PTK2: variants seen among roughly 807,000 people sequenced by gnomAD.
PTK2 encodes the protein focal adhesion kinase 1.
Under a neutral mutation model 150.1 loss-of-function variants are expected in PTK2, and 45 were observed. The ratio of observed to expected loss-of-function variants is 0.30; its 90% CI spans 0.24 to 0.38. The LOEUF (loss-of-function observed/expected upper bound fraction) is 0.38. Ranked by LOEUF, PTK2 falls within the 10% of genes least tolerant of loss-of-function variation. PTK2 has a pLI of 1.00. For missense variants in PTK2, 919 were observed against 1,307.3 expected, an observed-to-expected ratio of 0.70 and a Z score of 4.58; for synonymous variants, 432 against 449.2, an observed-to-expected ratio of 0.96 and a Z score of 0.48.
chr8:140,973,813 G>C (rs11167013), intron 1 of PTK2, among the ~76,000 whole-genome samples: 35,615 of 152,098 alleles, frequency 0.23, 4,737 homozygotes, highest in Admixed American at 0.36. Context: ...ATTACAATTA[G>C]CCCCAGCGTG....
chr8:140,833,461 G>C (rs1487911309), intron 7 of PTK2, among the ~76,000 whole-genome samples: 3 of 152,196 alleles, frequency 2.0e-5, no homozygotes, highest in Non-Finnish European at 2.9e-5. Context: ...AAAGTTTTTA[G>C]GGAAAGCCTA....
rs114224444 is a variant in PTK2, at chr8:140,673,584, T to C, written c.2709+714A>G. On this transcript the variant is annotated intron_variant, in intron 29 of 31. Transcript: ENST00000522684. ...TTAAGTGGAAAGTAAAAAGATCCCA[T>C]CTCCTTACAGGACACAGGCTAGAAA... Among the ~76,000 whole-genome samples, 1,328 of 152,280 alleles carry C rather than the reference T, an allele frequency of 8.7e-3. 15 individuals are homozygous for C. Among genetic ancestry groups the C allele is most frequent in the African/African-American group, 0.031 (1,278 of 41,540 alleles).
intron 1 of PTK2, among the ~76,000 whole-genome samples, chr8:140,949,378 C>T (rs1285192795): frequency 6.6e-6 from 1 of 152,208 alleles, no homozygotes; most frequent in African/African-American, 2.4e-5. Flanking sequence ...TCCCAACCCC[C>T]TACTGAGTTG....
intron 1 of PTK2, among the ~76,000 whole-genome samples, chr8:140,946,166 C>G (rs748184337): frequency 2.6e-5 from 4 of 152,096 alleles, no homozygotes; most frequent in Non-Finnish European, 5.9e-5. Context: ...GCCCTACTTA[C>G]AGAGCTGTCA....
intron 29 of PTK2, among the ~76,000 whole-genome samples, chr8:140,673,744 C>G (rs2100011989): frequency 6.6e-6 from 1 of 152,162 alleles, no homozygotes; most frequent in African/African-American, 2.4e-5. Context: ...TCGGGGCAGG[C>G]TGCACCTGAC....
intron 29 of PTK2, chr8:140,672,101 C>T (rs1437518669): frequency 2.2e-6 from 1 of 446,294 alleles, no homozygotes; most frequent in Non-Finnish European, 4.5e-6. Flanking sequence ...TACCGATCTA[C>T]CTGTAAAGTT....
intron 1 of PTK2, among the ~76,000 whole-genome samples, chr8:140,970,829 T>C (rs1192948695): frequency 6.6e-6 from 1 of 152,086 alleles, no homozygotes; most frequent in East Asian, 1.9e-4. Context: ...TGTGGATAAC[T>C]TAACCATGTT....
intron 1 of PTK2, among the ~76,000 whole-genome samples, chr8:140,985,336 G>T (rs190078481): frequency 6.6e-6 from 1 of 151,962 alleles, no homozygotes; most frequent in South Asian, 2.1e-4. Flanking sequence ...TGATCCCCAG[G>T]CTGGTCTCAA....
At chr8:140,796,269 A>C (rs759065126) in intron 12 of PTK2, among the ~76,000 whole-genome samples, 108 of 152,328 alleles carry the variant, frequency 7.1e-4, no homozygotes, top group Admixed American at 1.3e-3. Context: ...CATCATAGGA[A>C]TTCAAGCCAA....
At chr8:140,669,193 T>C (rs2094150999) in intron 29 of PTK2, 1 of 151,776 alleles carries the variant, frequency 6.6e-6, no homozygotes, top group South Asian at 2.1e-4. Context: ...TCAACAAATG[T>C]TACTAAGATA....
rs368864845 is a variant in PTK2, at chr8:140,949,616, C to A, written c.-121-23867G>T. ...GAGGCAGCGCTGACACACCAGCCCC[C>A]TGCCGCCCTGGCCCACTCCAGACTT... On this transcript the variant is annotated intron_variant, in intron 1 of 31. Transcript: ENST00000522684. Among the ~76,000 whole-genome samples, 6 of 152,346 alleles carry A rather than the reference C, an allele frequency of 3.9e-5. No individual in the cohort carries two copies. The East Asian group carries it at 1.2e-3, about 29-fold the overall frequency.
chr8:140,704,644 G>T (rs999834750), intron 24 of PTK2, among the ~76,000 whole-genome samples: 1 of 152,118 alleles, frequency 6.6e-6, no homozygotes, highest in African/African-American at 2.4e-5. Context: ...CACAGACTCG[G>T]GCTGTTCCCC....
At chr8:140,846,553 T>A in intron 6 of PTK2, 46 bp downstream of exon 6, 1 of 1,431,154 alleles carries the variant, frequency 7.0e-7, no homozygotes, top group Non-Finnish European at 9.8e-7. Context: ...CAAAAATAAT[T>A]AAAAAATTGA....
In PTK2 at chr8:140,910,958, G is replaced by A. The variant is rs573097041; in HGVS notation, c.-33+14703C>T. Among the ~76,000 whole-genome samples, 199 of 152,102 alleles carry A rather than the reference G, an allele frequency of 1.3e-3. 1 individual carries two copies. The highest frequency in any genetic ancestry group is 4.7e-3 in the African/African-American group (195 of 41,498). On this transcript the variant is annotated intron_variant, in intron 2 of 31. Coordinates refer to ENST00000522684, the Ensembl canonical transcript of PTK2. ...AGTGGGGTAATCACGGCTCACCGCA[G>A]CCTCAACCTCCTTGACTCAAGCAAT...
chr8:140,692,269 T>C (rs2100023609), intron 26 of PTK2, among the ~76,000 whole-genome samples: 1 of 152,172 alleles, frequency 6.6e-6, no homozygotes, highest in South Asian at 2.1e-4. Context: ...GAATGAAAGA[T>C]GAGTGCCTAT....
At chr8:140,966,832 C>T (rs908848731) in intron 1 of PTK2, among the ~76,000 whole-genome samples, 5 of 152,086 alleles carry the variant, frequency 3.3e-5, no homozygotes, top group Non-Finnish European at 7.4e-5. Context: ...CTGCTCTGAA[C>T]CCTTTTCCCT....
intron 14 of PTK2, among the ~76,000 whole-genome samples, chr8:140,775,442 G>A (rs960811363): frequency 2.0e-5 from 3 of 152,042 alleles, no homozygotes; most frequent in Non-Finnish European, 1.5e-5. Flanking sequence ...CCAAGATCAC[G>A]CCACTGCACT....
At chr8:140,934,191 T>C (rs1291981011) in intron 1 of PTK2, among the ~76,000 whole-genome samples, 2 of 152,176 alleles carry the variant, frequency 1.3e-5, no homozygotes, top group African/African-American at 2.4e-5. Context: ...TTATAAGAAA[T>C]TGAAGATAAA....
intron 10 of PTK2, among the ~76,000 whole-genome samples, chr8:140,805,760 C>G (rs2100097827): frequency 6.6e-6 from 1 of 152,168 alleles, no homozygotes; most frequent in Non-Finnish European, 1.5e-5. Context: ...ATATGATATT[C>G]TGCTTAGAGT....
Sources: gnomAD v4.1 joint callset for allele counts (sites outside exome capture counted in the v4.1 genomes callset) on GRCh38, gnomAD v4.1.1 for gene constraint, MANE v1.5 for transcripts, NCBI Gene and HGNC (gene_info 2026-07-23, HGNC 2026-07-21) for gene names.